The following ITGB2 variants were observed in gnomAD, a reference collection of about 807,000 sequenced individuals.
The protein encoded by ITGB2 is integrin subunit beta 2, also known as integrin beta-2.
Under a neutral mutation model 86.8 loss-of-function variants are expected in ITGB2, and 56 were observed. That is an observed-to-expected ratio of 0.65 (90% confidence interval 0.52 to 0.81). The LOEUF (loss-of-function observed/expected upper bound fraction) is 0.81. Among genes scored for constraint, ITGB2 ranks in the 30% least tolerant of loss-of-function variants. ITGB2 has a pLI of 0.00. For missense variants in ITGB2, 948 were observed against 1,061.2 expected (o/e 0.89, Z 1.48); for synonymous variants, 457 against 450.4 (o/e 1.01, Z -0.19).
intron 9 of ITGB2, 34 bp from the exon 10 acceptor site, chr21:44,893,578 G>C: frequency 6.2e-7 from 1 of 1,612,454 alleles, no homozygotes; most frequent in Non-Finnish European, 8.5e-7. Context: ...TTGGGGGCGA[G>C]TGTTTCTGTT....
At chr21:44,924,338 G>A (rs2084345468), upstream of ITGB2, among the ~76,000 whole-genome samples, 1 of 152,128 alleles carries the variant, frequency 6.6e-6, no homozygotes, top group Non-Finnish European at 1.5e-5. Flanking sequence ...GCTGAGGCAG[G>A]AGAATCACTC....
rs200335681 is a variant in ITGB2 at position 44,888,695 on chromosome 21, C to G, written c.2078G>C (p.Arg693Pro). ...CCGCTGCACCCCAGCGGCCTCACCTCGGCTCTCATCCACATAGATGAGGTA... is the reference window on the plus strand; with the variant it reads ...CCGCTGCACCCCAGCGGCCTCACCTGGGCTCTCATCCACATAGATGAGGTA... ...DRYLIYVDES[R>P]ECVAGPNIAA... is the part of the protein sequence containing the mutation. Residue 693 changes from arginine (R) to proline (P), a missense_variant and splice_region_variant, in exon 14 of 16, where the codon CGA becomes CCA. Transcript: ENST00000652462. The G allele has an allele frequency of 3.1e-6, 5 of 1,607,562 alleles. No individual in the cohort carries two copies. Among genetic ancestry groups the G allele is most frequent in the Non-Finnish European group, 4.2e-6 (5 of 1,179,918 alleles).
chr21:44,891,536 A>C (rs2083785270), intron 11 of ITGB2, among the ~76,000 whole-genome samples: 1 of 152,172 alleles, frequency 6.6e-6, no homozygotes, highest in African/African-American at 2.4e-5. Context: ...TCCTGCCCAC[A>C]AGTCCCCTGC....
At chr21:44,892,145 C>G in intron 10 of ITGB2, 149 bp from the exon 11 acceptor site, 1 of 809,866 alleles carries the variant, frequency 1.2e-6, no homozygotes, top group Non-Finnish European at 2.0e-6. Context: ...AGCTGATGCT[C>G]AGATCCGAGA....
At position 44,918,935 on chromosome 21, in the gene ITGB2, A is replaced by AGCATCCCCTCTCCCAGCACTCGCAGCTG. The variant is rs1601334608; in HGVS notation, c.-4+1885_-4+1886insCAGCTGCGAGTGCTGGGAGAGGGGATGC. Among the ~76,000 whole-genome samples the AGCATCCCCTCTCCCAGCACTCGCAGCTG allele has an allele frequency of 1.8e-5, 2 of 111,810 alleles. 1 individual carries two copies. The allele number at this position is 111,810 out of a possible 152,430, so 73.4% of individuals were successfully genotyped here. On this transcript the variant is annotated intron_variant, in intron 1 of 15. Coordinates refer to ENST00000652462, the MANE Select transcript of ITGB2 (RefSeq NM_000211.5). ...TTGAGGCAAAGGCCCTTGGGTGGCT[A>AGCATCCCCTCTCCCAGCACTCGCAGCTG]AGCGTCCCCTCTCCCAGCACTCGGA... is the stretch of plus-strand genomic sequence containing the variant.
intron 14 of ITGB2, among the ~76,000 whole-genome samples, chr21:44,887,353 G>T (rs2083714281): frequency 6.6e-6 from 1 of 152,182 alleles, no homozygotes; most frequent in African/African-American, 2.4e-5. Context: ...GGTGAGGCCG[G>T]TGCCAGGATG....
intron 5 of ITGB2, 38 bp from the exon 6 acceptor site, chr21:44,901,771 T>C (rs1367880525): frequency 6.3e-7 from 1 of 1,584,338 alleles, no homozygotes; most frequent in Non-Finnish European, 8.6e-7. Flanking sequence ...GGTGGCAGGC[T>C]GGGCCCAGGT....
intron 1 of ITGB2, chr21:44,927,632 C>T (rs2084391121): frequency 6.6e-6 from 1 of 152,426 alleles, no homozygotes; most frequent in African/African-American, 2.4e-5. Flanking sequence ...CAGTGACTTC[C>T]TTCTGCAGTG....
At position 44,900,301 on chromosome 21, in the gene ITGB2, G is replaced by A. The variant is rs754377221; in HGVS notation, c.897+19C>T. 12 of 1,614,040 alleles carry A rather than the reference G, an allele frequency of 7.4e-6. No homozygotes were observed. The highest frequency in any genetic ancestry group is 6.7e-5 in the East Asian group (3 of 44,890). The stretch of plus-strand genomic sequence containing the variant: ...GTGTCCTGCCAGGCGGTGCCTGGGT[G>A]CCTGGGGTGGGGACTTACGAATTCG... On this transcript the variant is annotated intron_variant, in intron 7 of 15. Coordinates refer to ENST00000652462, the MANE Select transcript of ITGB2 (RefSeq NM_000211.5).
At chr21:44,905,614 C>T (rs1457452512) in intron 4 of ITGB2, among the ~76,000 whole-genome samples, 1 of 152,244 alleles carries the variant, frequency 6.6e-6, no homozygotes, top group Non-Finnish European at 1.5e-5. Flanking sequence ...GCCACAGGGC[C>T]AGGCCCTCGA....
chr21:44,886,647 CGG>C, intron 15 of ITGB2, 87 bp downstream of exon 15: 1 of 1,565,866 alleles, frequency 6.4e-7, no homozygotes, highest in Non-Finnish European at 8.8e-7. Flanking sequence ...CAGCCACACA[CGG>C]GTGTCCACGG....
intron 5 of ITGB2, 157 bp from the exon 6 acceptor site, chr21:44,901,890 G>T: frequency 1.2e-6 from 1 of 805,922 alleles, no homozygotes; most frequent in Non-Finnish European, 1.9e-6. Flanking sequence ...GAGCATGTGC[G>T]TTGTGCAAGC....
rs1568895154 is a variant in ITGB2, at chr21:44,903,396, GGCCCGGAGCAGGTC to G, written c.454_467del (p.Asp152ProfsTer29). The G allele has an allele frequency of 1.2e-6, 2 of 1,614,084 alleles. No homozygotes were observed. Among genetic ancestry groups the G allele is most frequent in the Non-Finnish European group, 1.7e-6 (2 of 1,179,984 alleles). On this transcript the variant is annotated frameshift_variant, in exon 5 of 16. Transcript: ENST00000652462. LOFTEE classifies it high-confidence loss of function. ...GGCCGGACTCGGTGATCTCGTTGAG[GGCCCGGAGCAGGTC>G]GCCACCTAGCTTCTTGACATTCCTG...
In ITGB2 at chr21:44,888,700, C is replaced by G. The variant is rs879017906; in HGVS notation, c.2073G>C (p.Glu691Asp). ...GMDRYLIYVD[E>D]SRECVAGPNI... ...GCACCCCAGCGGCCTCACCTCGGCT[C>G]TCATCCACATAGATGAGGTAGCGGT... The change falls in exon 14 of 16, where the codon GAG (glutamate) becomes GAC (aspartate). Residue 691 changes from glutamate (E) to aspartate (D), a missense_variant. Glu to Asp is a conservative substitution (Grantham distance 45). Coordinates refer to ENST00000652462, the MANE Select transcript of ITGB2 (RefSeq NM_000211.5). 5 of 1,608,502 alleles carry G rather than the reference C, an allele frequency of 3.1e-6. No homozygotes were observed. Among genetic ancestry groups the G allele is most frequent in the Non-Finnish European group, 4.2e-6 (5 of 1,179,942 alleles).
intron 14 of ITGB2, among the ~76,000 whole-genome samples, chr21:44,887,740 A>G (rs545727610): frequency 6.6e-6 from 1 of 152,220 alleles, no homozygotes; most frequent in East Asian, 1.9e-4. Context: ...GACGTGACCC[A>G]AGTCTGTCCC....
At chr21:44,918,391 G>A (rs936214428) in intron 1 of ITGB2, among the ~76,000 whole-genome samples, 1 of 152,260 alleles carries the variant, frequency 6.6e-6, no homozygotes, top group African/African-American at 2.4e-5. Flanking sequence ...ACCTGGTGGG[G>A]CCCGGCCTGG....
At chr21:44,926,192 G>A (rs576070238) in intron 1 of ITGB2, among the ~76,000 whole-genome samples, 2 of 149,626 alleles carry the variant, frequency 1.3e-5, no homozygotes, top group South Asian at 2.1e-4. Flanking sequence ...GCTAGGGACC[G>A]TGGGGCTTCC....
intron 3 of ITGB2, among the ~76,000 whole-genome samples, chr21:44,907,306 G>A (rs1312105091): frequency 4.6e-5 from 7 of 152,184 alleles, no homozygotes; most frequent in African/African-American, 1.7e-4. Context: ...GACCCCTGGG[G>A]GGCAGGGTAT....
intron 9 of ITGB2, chr21:44,894,748 A>G: frequency 1.7e-6 from 1 of 599,146 alleles, no homozygotes; most frequent in Non-Finnish European, 3.0e-6. Context: ...TTCAGGGAGC[A>G]TCGCCCACAA....
Sources: allele counts gnomAD v4.1 joint callset (sites outside exome capture counted in the v4.1 genomes callset), GRCh38; gene constraint gnomAD v4.1.1; transcripts MANE v1.5; gene names NCBI Gene and HGNC (gene_info 2026-07-23, HGNC 2026-07-21).